Variants in GPR39 observed in about 807,000 individuals in gnomAD.
GPR39 encodes zinc sensing receptor.
In GPR39, 23 loss-of-function variants were observed where a neutral mutation model predicts 18.4. The ratio of observed to expected loss-of-function variants is 1.25; its 90% CI spans 0.90 to 1.77. The LOEUF is 1.77. Ranked by LOEUF, GPR39 falls within the 40% of genes most tolerant of loss-of-function variation. The pLI, the probability that GPR39 is intolerant of heterozygous loss-of-function variation, is 0.00. For synonymous variants in GPR39, 280 were observed against 257.9 expected, an observed-to-expected ratio of 1.09 and a Z score of -0.82; for missense variants, 647 against 602.4, an observed-to-expected ratio of 1.07 and a Z score of -0.78.
At chr2:132,511,922 C>T (rs927930970) in intron 1 of GPR39, among the ~76,000 whole-genome samples, 1 of 151,948 alleles carries the variant, frequency 6.6e-6, no homozygotes, top group Non-Finnish European at 1.5e-5. Flanking sequence ...ACGTGCGTAT[C>T]GAAAAGTGCA....
intron 1 of GPR39, among the ~76,000 whole-genome samples, chr2:132,573,074 C>G (rs1253629347): frequency 6.6e-6 from 1 of 152,154 alleles, no homozygotes; most frequent in Non-Finnish European, 1.5e-5. Context: ...TATGTCCCAT[C>G]ATTGCTGCCC....
intron 1 of GPR39, among the ~76,000 whole-genome samples, chr2:132,524,905 G>A (rs1031579986): frequency 8.6e-5 from 13 of 151,998 alleles, no homozygotes; most frequent in African/African-American, 2.2e-4. Context: ...TTGAATTCAC[G>A]CTTCAGTCAT....
intron 1 of GPR39, among the ~76,000 whole-genome samples, chr2:132,515,229 C>T (rs1679310980): frequency 6.6e-6 from 1 of 152,196 alleles, no homozygotes; most frequent in South Asian, 2.1e-4. Flanking sequence ...GCCTAAGTCT[C>T]CTTCTAGTGA....
intron 1 of GPR39, among the ~76,000 whole-genome samples, chr2:132,615,378 C>T (rs764482322): frequency 1.3e-5 from 2 of 152,212 alleles, no homozygotes; most frequent in Non-Finnish European, 2.9e-5. Flanking sequence ...TTGGTGTTAA[C>T]CTTCACCTTG....
At chr2:132,574,952 T>C (rs1043049780) in intron 1 of GPR39, among the ~76,000 whole-genome samples, 3 of 152,226 alleles carry the variant, frequency 2.0e-5, no homozygotes, top group African/African-American at 4.8e-5. Flanking sequence ...TGAGGTTTCC[T>C]CCTGAAAGCA....
intron 1 of GPR39, among the ~76,000 whole-genome samples, chr2:132,627,832 G>T (rs546147092): frequency 6.6e-6 from 1 of 152,264 alleles, no homozygotes; most frequent in African/African-American, 2.4e-5. Context: ...ACAACCTCAG[G>T]TGAATTTCCT....
chr2:132,625,512 A>T (rs1321465244), intron 1 of GPR39, among the ~76,000 whole-genome samples: 1 of 152,192 alleles, frequency 6.6e-6, no homozygotes, highest in Non-Finnish European at 1.5e-5. Context: ...CTCGGCACAT[A>T]GTGCATTCCA....
intron 1 of GPR39, among the ~76,000 whole-genome samples, chr2:132,591,311 C>T (rs12993602): frequency 0.088 from 13,234 of 149,728 alleles, 899 homozygotes; most frequent in African/African-American, 0.19. Context: ...TAGGACTAGA[C>T]CAGCGGAGTC....
At chr2:132,608,032 C>T (rs966174803) in intron 1 of GPR39, among the ~76,000 whole-genome samples, 1 of 152,094 alleles carries the variant, frequency 6.6e-6, no homozygotes, top group African/African-American at 2.4e-5. Flanking sequence ...AAATATGATA[C>T]TGAGTTCCAT....
chr2:132,474,514 T>C (rs1681090557), intron 1 of GPR39, among the ~76,000 whole-genome samples: 1 of 152,228 alleles, frequency 6.6e-6, no homozygotes, highest in African/African-American at 2.4e-5. Flanking sequence ...GATTTTCTGC[T>C]GTGGAAACTG....
At chr2:132,594,543 T>G (rs1196027164) in intron 1 of GPR39, among the ~76,000 whole-genome samples, 1 of 152,102 alleles carries the variant, frequency 6.6e-6, no homozygotes, top group Non-Finnish European at 1.5e-5. Context: ...TTTTTAATAG[T>G]AGTGAATTGA....
chr2:132,640,763 C>G (rs1053269913), intron 1 of GPR39, among the ~76,000 whole-genome samples: 1 of 152,174 alleles, frequency 6.6e-6, no homozygotes, highest in African/African-American at 2.4e-5. Context: ...GGTAGCTGGG[C>G]TAGAGTAGAG....
intron 1 of GPR39, among the ~76,000 whole-genome samples, chr2:132,641,491 T>A (rs1681854849): frequency 6.6e-6 from 1 of 152,162 alleles, no homozygotes; most frequent in South Asian, 2.1e-4. Context: ...ATTCTTTTAG[T>A]GGGTGCTGTC....
chr2:132,449,816 G>A (rs769489736), intron 1 of GPR39, among the ~76,000 whole-genome samples: 2 of 152,080 alleles, frequency 1.3e-5, no homozygotes, highest in Non-Finnish European at 2.9e-5. Flanking sequence ...AGGAATCTTG[G>A]AATTATTTTC....
intron 1 of GPR39, among the ~76,000 whole-genome samples, chr2:132,565,368 T>C (rs1465575367): frequency 6.6e-6 from 1 of 151,424 alleles, no homozygotes; most frequent in African/African-American, 2.4e-5. Flanking sequence ...TTAGATTCTT[T>C]ATAAGCACAA....
At chr2:132,616,543 GA>G (rs1388219458) in intron 1 of GPR39, among the ~76,000 whole-genome samples, 1 of 152,170 alleles carries the variant, frequency 6.6e-6, no homozygotes, top group Non-Finnish European at 1.5e-5. Flanking sequence ...CCTATTCTCT[GA>G]CTTTACCTGT....
chr2:132,642,149 T>G (rs1422138934), intron 1 of GPR39, among the ~76,000 whole-genome samples: 1 of 152,238 alleles, frequency 6.6e-6, no homozygotes. Context: ...TCTGCATTAT[T>G]ATAGGTTATT....
chr2:132,531,739 C>T (rs9751550), intron 1 of GPR39, among the ~76,000 whole-genome samples: 1 of 152,334 alleles, frequency 6.6e-6, no homozygotes, highest in East Asian at 1.9e-4. Context: ...CAACCTGCTC[C>T]TGAATGACTA....
At chr2:132,541,681 T>C (rs992081783) in intron 1 of GPR39, among the ~76,000 whole-genome samples, 2 of 152,122 alleles carry the variant, frequency 1.3e-5, no homozygotes, top group Non-Finnish European at 2.9e-5. Context: ...AGGCTTGCAC[T>C]TTCTGCCTCA....
Sources: allele counts gnomAD v4.1 joint callset (sites outside exome capture counted in the v4.1 genomes callset), GRCh38; gene constraint gnomAD v4.1.1; transcripts MANE v1.5; gene names NCBI Gene and HGNC (gene_info 2026-07-23, HGNC 2026-07-21).